LARP4B: variants seen among roughly 807,000 people sequenced by gnomAD.
LARP4B encodes la-related protein 4B.
LARP4B carries 12 observed loss-of-function variants against 89.8 expected under a neutral mutation model. The ratio of observed to expected loss-of-function variants is 0.13; its 90% CI spans 0.09 to 0.22. The LOEUF (loss-of-function observed/expected upper bound fraction) is 0.22, where lower values mean the gene tolerates loss of function less well. LARP4B is among the 10% of genes least tolerant of loss of function. The pLI, the probability that LARP4B is intolerant of heterozygous loss-of-function variation, is 1.00. For missense variants in LARP4B, 757 were observed against 947.7 expected, an observed-to-expected ratio of 0.80 and a Z score of 2.64; for synonymous variants, 367 against 363.3, an observed-to-expected ratio of 1.01 and a Z score of -0.12.
chr10:860,225 G>A (rs962358575), intron 5 of LARP4B, among the ~76,000 whole-genome samples: 2 of 152,014 alleles, frequency 1.3e-5, no homozygotes, highest in African/African-American at 2.4e-5. Context: ...TTTTTAAAAA[G>A]GATGTTTGAT....
chr10:825,395 G>C, intron 12 of LARP4B, 79 bp from the exon 13 acceptor site: 1 of 1,403,300 alleles, frequency 7.1e-7, no homozygotes, highest in Non-Finnish European at 9.9e-7. Flanking sequence ...ACATGGAATA[G>C]CTAAGCTGAA....
At chr10:906,632 C>T (rs985185010) in intron 1 of LARP4B, among the ~76,000 whole-genome samples, 5 of 152,192 alleles carry the variant, frequency 3.3e-5, no homozygotes, top group Admixed American at 3.3e-4. Context: ...CTGTTCACAA[C>T]CATATGCTCA....
chr10:829,884 A>G, intron 9 of LARP4B, 150 bp from the exon 10 acceptor site: 1 of 629,568 alleles, frequency 1.6e-6, no homozygotes, highest in Non-Finnish European at 2.8e-6. Context: ...TCCCTGGGTC[A>G]CAGATCCCTT....
the LARP4B span, among the ~76,000 whole-genome samples, chr10:943,251 A>T: frequency 6.6e-6 from 1 of 151,996 alleles, no homozygotes; most frequent in Non-Finnish European, 1.5e-5. Context: ...CTGGCCTCAC[A>T]AGTCCTTTCT....
Position 912,708 on chromosome 10 carries a change from C to CAA in LARP4B, c.-40+18718_-40+18719dup, listed in dbSNP as rs60998261. On this transcript the variant is annotated intron_variant, in intron 1 of 17. Coordinates refer to ENST00000316157, the MANE Select transcript of LARP4B (RefSeq NM_015155.3). ...GCAACATGGAGAAACCTCGTCTTGA[C>CAA]AAAAAAAAAAAAAAAAAATTCAAAA... 1.0e-3 allele frequency among the ~76,000 whole-genome samples: 94 copies of CAA among 91,218 alleles called. 2 individuals are homozygous for CAA. Among genetic ancestry groups the CAA allele is most frequent in the Admixed American group, 3.1e-3 (28 of 8,924 alleles). 59.8% of individuals were successfully genotyped at this position (91,218 alleles called of 152,430 possible). A position where few individuals can be genotyped will look rare whatever the true frequency, so the allele number is the denominator to read the frequency against.
chr10:817,222 C>T (rs1383215324), intron 15 of LARP4B, among the ~76,000 whole-genome samples: 6 of 152,282 alleles, frequency 3.9e-5, no homozygotes, highest in Non-Finnish European at 7.4e-5. Context: ...CAGCTCGGGA[C>T]GACTCCTGGG....
intron 1 of LARP4B, among the ~76,000 whole-genome samples, chr10:926,084 G>C (rs1277352847): frequency 6.6e-6 from 1 of 152,216 alleles, no homozygotes; most frequent in Admixed American, 6.5e-5. Context: ...ACAGGTGGGA[G>C]ATGTCTTTGA....
intron 1 of LARP4B, among the ~76,000 whole-genome samples, chr10:930,962 A>G (rs904216225): frequency 1.7e-4 from 25 of 148,372 alleles, no homozygotes; most frequent in Non-Finnish European, 3.1e-4. Context: ...GCGGCCCGCG[A>G]CCCCGGCCCC....
chr10:808,445 T>C (rs1831625983), downstream of LARP4B: 1 of 152,104 alleles, frequency 6.6e-6, no homozygotes, highest in Non-Finnish European at 1.5e-5. Context: ...ATGAAGGAAA[T>C]TCTCAGCAAC....
At chr10:834,830 C>G (rs187368970) in intron 8 of LARP4B, among the ~76,000 whole-genome samples, 1 of 152,160 alleles carries the variant, frequency 6.6e-6, no homozygotes, top group African/African-American at 2.4e-5. Context: ...TGAGTTAATA[C>G]AGATGTCCAA....
At chr10:845,308 C>T (rs986887036) in intron 5 of LARP4B, among the ~76,000 whole-genome samples, 3 of 152,150 alleles carry the variant, frequency 2.0e-5, no homozygotes, top group East Asian at 1.9e-4. Context: ...TCAGCAGGGG[C>T]TTTTTCTACC....
intron 7 of LARP4B, among the ~76,000 whole-genome samples, chr10:842,537 C>T (rs1833574832): frequency 6.6e-6 from 1 of 152,040 alleles, no homozygotes; most frequent in Non-Finnish European, 1.5e-5. Context: ...TTATTTCATC[C>T]GAACATAAAC....
chr10:973,117 C>CTG, the LARP4B span: 1 of 354,760 alleles, frequency 2.8e-6, no homozygotes, highest in South Asian at 2.2e-5. Flanking sequence ...AGTAAAGGAG[C>CTG]TCTGGTCTGG....
chr10:947,731 C>T, the LARP4B span, among the ~76,000 whole-genome samples: 3 of 152,154 alleles, frequency 2.0e-5, no homozygotes, highest in Non-Finnish European at 2.9e-5. Flanking sequence ...AAGCAATTCT[C>T]CTGCCTCAGC....
chr10:840,373 C>T (rs1833464691), intron 7 of LARP4B, among the ~76,000 whole-genome samples: 1 of 152,224 alleles, frequency 6.6e-6, no homozygotes, highest in African/African-American at 2.4e-5. Flanking sequence ...TCTCCGTGCT[C>T]CTCTGAACCC....
chr10:970,283 A>G, the LARP4B span, among the ~76,000 whole-genome samples: 2 of 152,242 alleles, frequency 1.3e-5, no homozygotes, highest in African/African-American at 2.4e-5. Flanking sequence ...ATGTCTAAGC[A>G]TTGTCACTCC....
intron 7 of LARP4B, among the ~76,000 whole-genome samples, chr10:841,119 C>T (rs1833501350): frequency 6.6e-6 from 1 of 152,182 alleles, no homozygotes; most frequent in African/African-American, 2.4e-5. Flanking sequence ...CACCACTGCA[C>T]TCCAGCCTTG....
chr10:862,450 A>C (rs1490412594), intron 5 of LARP4B, among the ~76,000 whole-genome samples: 1 of 152,012 alleles, frequency 6.6e-6, no homozygotes, highest in East Asian at 1.9e-4. Context: ...CGAAAAGCCC[A>C]TGGCAAGTGG....
the LARP4B span, among the ~76,000 whole-genome samples, chr10:948,843 T>C: frequency 6.6e-6 from 1 of 152,260 alleles, no homozygotes; most frequent in African/African-American, 2.4e-5. Context: ...TCGTTCCTTT[T>C]CACTGCAGAG....
Sources: allele counts gnomAD v4.1 joint callset (sites outside exome capture counted in the v4.1 genomes callset), GRCh38; gene constraint gnomAD v4.1.1; transcripts MANE v1.5; gene names NCBI Gene and HGNC (gene_info 2026-07-23, HGNC 2026-07-21).